The following PHIP variants were observed in gnomAD, a reference collection of about 807,000 sequenced individuals.
The protein encoded by PHIP is PH-interacting protein.
PHIP carries 54 observed loss-of-function variants against 236.8 expected under a neutral mutation model. That is an observed-to-expected ratio of 0.23 (90% CI 0.18 to 0.29). The LOEUF (loss-of-function observed/expected upper bound fraction) is 0.29. PHIP is among the 10% of genes least tolerant of loss of function. The pLI, the probability that PHIP is intolerant of heterozygous loss-of-function variation, is 1.00. For missense variants in PHIP, 1,370 were observed against 2,190.8 expected (o/e 0.63, Z 7.48); for synonymous variants, 756 against 718.9 (o/e 1.05, Z -0.83).
chr6:78,993,538 C>A (rs901889848), intron 19 of PHIP, among the ~76,000 whole-genome samples: 7 of 152,144 alleles, frequency 4.6e-5, no homozygotes, highest in Non-Finnish European at 8.8e-5. Flanking sequence ...ATTTATCATT[C>A]CAAAAATCCT....
intron 4 of PHIP, among the ~76,000 whole-genome samples, chr6:79,064,159 T>C (rs1773512453): frequency 6.6e-6 from 1 of 152,182 alleles, no homozygotes; most frequent in Non-Finnish European, 1.5e-5. Flanking sequence ...CCTCTACTTA[T>C]GCTTTGAATC....
At chr6:79,044,359 T>C (rs972071273) in intron 6 of PHIP, among the ~76,000 whole-genome samples, 1 of 152,168 alleles carries the variant, frequency 6.6e-6, no homozygotes, top group Non-Finnish European at 1.5e-5. Context: ...GTTGGTTATA[T>C]ACCAATTTAA....
In PHIP at chr6:78,999,856, TAGA is replaced by T. The variant is rs1006429606; in HGVS notation, c.1880-1468_1880-1466del. On this transcript the variant is annotated intron_variant, in intron 17 of 39. Coordinates refer to ENST00000275034, the MANE Select transcript of PHIP (RefSeq NM_017934.7). ...AATAACTTGTTTAAGGTCACCAAAG[TAGA>T]AGTAGTAAAAGCAGACAGAAGTAAA... Among the ~76,000 whole-genome samples the T allele has an allele frequency of 1.7e-4, 26 of 152,114 alleles. No individual in the cohort carries two copies. The Middle Eastern group carries it at 0.01, about 60-fold the overall frequency.
intron 19 of PHIP, among the ~76,000 whole-genome samples, chr6:78,993,889 C>A (rs1041165974): frequency 2.0e-5 from 3 of 152,184 alleles, no homozygotes; most frequent in Admixed American, 6.5e-5. Flanking sequence ...TATAGCTGCA[C>A]TAGTTATTCT....
intron 24 of PHIP, 78 bp from the exon 25 acceptor site, chr6:78,970,966 A>C: frequency 1.1e-6 from 1 of 939,138 alleles, no homozygotes; most frequent in South Asian, 1.6e-5. Context: ...CTGAAATTGC[A>C]AAGAGAAAAT....
intron 27 of PHIP, among the ~76,000 whole-genome samples, chr6:78,967,064 A>C (rs1767189980): frequency 6.6e-6 from 1 of 152,222 alleles, no homozygotes. Flanking sequence ...AATCTGAATC[A>C]GTTTTATTTT....
chr6:79,002,195 A>G (rs1291286576), intron 16 of PHIP, 71 bp from the exon 17 acceptor site: 39 of 1,020,340 alleles, frequency 3.8e-5, no homozygotes, highest in Non-Finnish European at 8.8e-6. Flanking sequence ...AGTCTACATC[A>G]TTTCTAATAG....
At chr6:79,022,221 A>C (rs1771154742) in intron 9 of PHIP, among the ~76,000 whole-genome samples, 1 of 152,170 alleles carries the variant, frequency 6.6e-6, no homozygotes, top group Non-Finnish European at 1.5e-5. Flanking sequence ...TCATCTGTAA[A>C]ACAGGGGTAA....
chr6:79,057,843 G>T (rs1405561913), intron 6 of PHIP, among the ~76,000 whole-genome samples: 2 of 151,802 alleles, frequency 1.3e-5, no homozygotes, highest in Non-Finnish European at 2.9e-5. Flanking sequence ...CAACTATTCT[G>T]GCAAGAAGAC....
At position 78,938,138 on chromosome 6, in the gene PHIP, T is replaced by C. The variant is rs988244314; in HGVS notation, c.*2555A>G. On this transcript the variant is annotated 3_prime_UTR_variant, in exon 40 of 40. Coordinates refer to ENST00000275034, the MANE Select transcript of PHIP (RefSeq NM_017934.7). ...TCTGTAATGCATAGAAGCTAAATTA[T>C]AAAAATATAAAATCTAAATATATTG... The C allele has an allele frequency of 1.3e-5, 2 of 151,662 alleles. No individual in the cohort carries two copies. The highest frequency in any genetic ancestry group is 4.8e-5 in the African/African-American group (2 of 41,416). The allele number at this position is 151,662 out of a possible 1,614,324, so 9.4% of individuals were successfully genotyped here.
At chr6:79,058,232 T>C (rs1000867752) in intron 6 of PHIP, among the ~76,000 whole-genome samples, 4 of 152,058 alleles carry the variant, frequency 2.6e-5, no homozygotes, top group African/African-American at 7.2e-5. Context: ...TACATTTCTA[T>C]GCTTGGATGC....
intron 20 of PHIP, among the ~76,000 whole-genome samples, chr6:78,988,601 T>C (rs546385831): frequency 6.6e-6 from 1 of 152,232 alleles, no homozygotes; most frequent in African/African-American, 2.4e-5. Context: ...ATAAAAACAT[T>C]TGTTCATATT....
rs150217467 is a variant in PHIP at position 78,993,080 on chromosome 6, G to A, written c.2202-2095C>T. Among the ~76,000 whole-genome samples, 283 of 152,280 alleles carry A rather than the reference G, an allele frequency of 1.9e-3. 1 individual carries two copies. The highest frequency in any genetic ancestry group is 5.6e-3 in the African/African-American group (233 of 41,562). On this transcript the variant is annotated intron_variant, in intron 19 of 39. Coordinates refer to ENST00000275034, the MANE Select transcript of PHIP (RefSeq NM_017934.7). ...TTGCCGATACAGAAATAGTTTTTGCGGTCTGGATAGAAGATTAAACCAGCT... is the reference window on the plus strand; with the variant it reads ...TTGCCGATACAGAAATAGTTTTTGCAGTCTGGATAGAAGATTAAACCAGCT...
chr6:79,022,450 G>C (rs1160211427), intron 9 of PHIP, among the ~76,000 whole-genome samples: 1 of 152,116 alleles, frequency 6.6e-6, no homozygotes, highest in African/African-American at 2.4e-5. Flanking sequence ...CCTGGCTCCA[G>C]TACCACCTGC....
intron 17 of PHIP, 91 bp from the exon 18 acceptor site, chr6:78,998,482 CATA>C: frequency 1.1e-6 from 1 of 943,090 alleles, no homozygotes; most frequent in Non-Finnish European, 1.6e-6. Flanking sequence ...CAGAATTAAA[CATA>C]AATGTTGCTT....
At chr6:78,983,792 C>A (rs879554895) in intron 22 of PHIP, among the ~76,000 whole-genome samples, 6 of 152,138 alleles carry the variant, frequency 3.9e-5, no homozygotes, top group African/African-American at 7.2e-5. Context: ...CAGAAAAATA[C>A]AGGCCTTACT....
intron 6 of PHIP, among the ~76,000 whole-genome samples, 169 bp downstream of exon 6, chr6:79,060,308 CT>C (rs1379892026): frequency 6.6e-6 from 1 of 152,116 alleles, no homozygotes; most frequent in Non-Finnish European, 1.5e-5. Flanking sequence ...TTATACATGA[CT>C]TTTTCACTAT....
At chr6:79,014,711 T>C (rs747912205) in intron 15 of PHIP, among the ~76,000 whole-genome samples, 1 of 151,786 alleles carries the variant, frequency 6.6e-6, no homozygotes, top group Non-Finnish European at 1.5e-5. Flanking sequence ...AAAATTCTAT[T>C]GTGCTAGAAG....
At chr6:79,065,832 T>A (rs964551553) in intron 4 of PHIP, among the ~76,000 whole-genome samples, 2 of 148,648 alleles carry the variant, frequency 1.3e-5, no homozygotes, top group Non-Finnish European at 3.0e-5. Flanking sequence ...TTTTTTAAAA[T>A]AAAACAATCT....
Sources: gnomAD v4.1 joint callset for allele counts (sites outside exome capture counted in the v4.1 genomes callset) on GRCh38, gnomAD v4.1.1 for gene constraint, MANE v1.5 for transcripts, NCBI Gene and HGNC (gene_info 2026-07-23, HGNC 2026-07-21) for gene names.